WDR33: variants seen among roughly 807,000 people sequenced by gnomAD.
The protein encoded by WDR33 is pre-mRNA 3' end processing protein WDR33.
A neutral mutation model predicts 164.9 loss-of-function variants in WDR33; 47 were observed. That is an observed-to-expected ratio of 0.29 (90% CI 0.23 to 0.36). WDR33 has a LOEUF of 0.36. WDR33 is among the 10% of genes least tolerant of loss of function. The pLI, the probability that WDR33 is intolerant of heterozygous loss-of-function variation, is 1.00. For synonymous variants in WDR33, 505 were observed against 589.0 expected (o/e 0.86, Z 2.06); for missense variants, 1,137 against 1,754.1 (o/e 0.65, Z 6.28).
intron 7 of WDR33, among the ~76,000 whole-genome samples, chr2:127,756,486 C>T (rs947306546): frequency 1.3e-5 from 2 of 151,768 alleles, no homozygotes; most frequent in African/African-American, 2.4e-5. Flanking sequence ...ATCTACTCAC[C>T]GAAAATGAAA....
At chr2:127,711,780 A>ATATATATATATATTTTTT in intron 18 of WDR33, among the ~76,000 whole-genome samples, 1 of 88,320 alleles carries the variant, frequency 1.1e-5, no homozygotes, top group African/African-American at 6.5e-5. Context: ...ATATATATAT[A>ATATATATATATATTTTTT]TTTTTTTTTT....
chr2:127,715,848 G>A (rs1686286478), intron 17 of WDR33, among the ~76,000 whole-genome samples: 1 of 152,174 alleles, frequency 6.6e-6, no homozygotes, highest in Non-Finnish European at 1.5e-5. Context: ...CGGCGGCGGC[G>A]GTTATTCCAG....
rs532164056 is a variant in WDR33, at chr2:127,738,779, G to A, written c.725-12002C>T. On this transcript the variant is annotated intron_variant, in intron 7 of 21. Coordinates refer to ENST00000322313, the MANE Select transcript of WDR33 (RefSeq NM_018383.5). The surrounding 1 kb of genome is among the most constrained non-coding windows in gnomAD (Gnocchi z 4.4). ...AACACACTAGCTGCAAGAAGAGAGT[G>A]GGGCTACTCAGGGCACACTGCCTAT... Among the ~76,000 whole-genome samples the A allele has an allele frequency of 3.3e-5, 5 of 152,282 alleles. No individual in the cohort carries two copies. In the South Asian group the frequency reaches 8.3e-4, roughly 25 times the overall value.
chr2:127,748,468 G>A (rs1346012880), intron 7 of WDR33, among the ~76,000 whole-genome samples: 1 of 152,170 alleles, frequency 6.6e-6, no homozygotes, highest in Admixed American at 6.5e-5. Flanking sequence ...TGATGCTGGT[G>A]TAAGATTTCT....
At position 127,713,342 on chromosome 2, in the gene WDR33, A is replaced by G. The variant is rs1477323232; in HGVS notation, c.3308+241T>C. On this transcript the variant is annotated intron_variant, in intron 18 of 21. Coordinates refer to ENST00000322313, the MANE Select transcript of WDR33 (RefSeq NM_018383.5). The surrounding 1 kb of genome is among the most constrained non-coding windows in gnomAD (Gnocchi z 6.2). ...CACTGATCCTCCCATCTCTTTAGAAAGGACCAAAATATAAAAAAATAAACA... is the reference window on the plus strand; with the variant it reads ...CACTGATCCTCCCATCTCTTTAGAAGGGACCAAAATATAAAAAAATAAACA... Among the ~76,000 whole-genome samples, 1 of 152,252 alleles carries G rather than the reference A, an allele frequency of 6.6e-6. No homozygotes were observed. The highest frequency in any genetic ancestry group is 1.5e-5 in the Non-Finnish European group (1 of 68,050).
rs978206756 is a variant in WDR33 at position 127,738,360 on chromosome 2, A to G, written c.725-11583T>C. On this transcript the variant is annotated intron_variant, in intron 7 of 21. Coordinates refer to ENST00000322313, the MANE Select transcript of WDR33 (RefSeq NM_018383.5). The surrounding 1 kb of genome is among the most constrained non-coding windows in gnomAD (Gnocchi z 4.4). ...CTGATATAAGCAAATAACTGAATAA[A>G]TAAGTGGAGAAGAGTGAAGTCTCCC... is the stretch of plus-strand genomic sequence containing the variant. Among the ~76,000 whole-genome samples the G allele has an allele frequency of 1.3e-5, 2 of 152,174 alleles. No homozygotes were observed. Among genetic ancestry groups the G allele is most frequent in the African/African-American group, 2.4e-5 (1 of 41,440 alleles).
chr2:127,809,026 T>C (rs1689539294), intron 1 of WDR33, among the ~76,000 whole-genome samples: 1 of 114,122 alleles, frequency 8.8e-6, no homozygotes, highest in African/African-American at 3.6e-5. Context: ...GCGAAACTCT[T>C]GTCTCAAAAA....
In WDR33 at chr2:127,764,911, G is replaced by A. The variant is rs772919450; in HGVS notation, c.543C>T (p.His181=). Residue 181 remains histidine, a synonymous_variant, in exon 6 of 22, where the codon CAC becomes CAT. Coordinates refer to ENST00000322313, the MANE Select transcript of WDR33 (RefSeq NM_018383.5). This position sits in a 1 kb window ranked among gnomAD's most constrained non-coding sequence, Gnocchi z 6.2. ...HNDMWMLTAD[H]GGYVKYWQSN... is the part of the protein sequence containing the mutation. ...ACTGCCAATATTTCACATATCCTCC[G>A]TGGTCTGCTGTCAACATCCACATGT... 3.8e-5 allele frequency: 62 copies of A among 1,613,992 alleles called. 1 individual carries two copies. Among genetic ancestry groups the A allele is most frequent in the Middle Eastern group, 3.3e-4 (2 of 6,084 alleles).
Position 127,763,452 on chromosome 2 carries a change from G to A in WDR33, c.627-293C>T, listed in dbSNP as rs549249424. On this transcript the variant is annotated intron_variant, in intron 6 of 21. Coordinates refer to ENST00000322313, the MANE Select transcript of WDR33 (RefSeq NM_018383.5). The surrounding 1 kb of genome is among the most constrained non-coding windows in gnomAD (Gnocchi z 4.5). The stretch of plus-strand genomic sequence containing the variant: ...CCTTCTCTATTTTCTATGATACGAG[G>A]AAATCACATGAAGCTGCCTTAAGTG... The A allele has an allele frequency of 8.4e-5, 95 of 1,128,982 alleles. No individual in the cohort carries two copies. In the South Asian group the frequency reaches 1.9e-3, roughly 22 times the overall value. The allele number at this position is 1,128,982 out of a possible 1,614,324, so 69.9% of individuals were successfully genotyped here. A position where few individuals can be genotyped will look rare whatever the true frequency, so the allele number is the denominator to read the frequency against.
Position 127,725,084 on chromosome 2 carries a change from C to T in WDR33, c.983G>A (p.Arg328Gln). ...RNLKEELQVF[R>Q]GHKKEATAVA... ...ACCTGTGGCTTCTTTCTTATGACCTCGGAAGACTTGAAGCTCTTCTTTTAG... is the reference window on the plus strand; with the variant it reads ...ACCTGTGGCTTCTTTCTTATGACCTTGGAAGACTTGAAGCTCTTCTTTTAG... Residue 328 changes from arginine to glutamine, a missense_variant, in exon 9 of 22, where the codon CGA (arginine) becomes CAA (glutamine). This residue lies in a region of WDR33 where 83 missense variants were observed against 189.2 expected (regional missense o/e 0.44). Transcript: ENST00000322313. 6.2e-7 allele frequency: 1 copy of T among 1,613,686 alleles called. No homozygotes were observed. Among genetic ancestry groups the T allele is most frequent in the Non-Finnish European group, 8.5e-7 (1 of 1,179,944 alleles).
intron 1 of WDR33, among the ~76,000 whole-genome samples, chr2:127,788,644 G>C (rs1239351304): frequency 6.8e-6 from 1 of 146,906 alleles, no homozygotes; most frequent in Admixed American, 6.6e-5. Flanking sequence ...CTGGCCGGGC[G>C]GGGGGCTGAC....
chr2:127,701,939 C>A lies in WDR33; in HGVS notation c.*4384G>T. 7.0e-7 allele frequency: 1 copy of A among 1,422,134 alleles called. No individual in the cohort carries two copies. Among genetic ancestry groups the A allele is most frequent in the Non-Finnish European group, 9.1e-7 (1 of 1,094,872 alleles). 88.1% of individuals were successfully genotyped at this position (1,422,134 alleles called of 1,614,324 possible). On this transcript the variant is annotated 3_prime_UTR_variant, in exon 22 of 22. Coordinates refer to ENST00000322313, the MANE Select transcript of WDR33 (RefSeq NM_018383.5). ...GCGCGGCGTGCGGACGCCTGCTGCG[C>A]TGCGAAGAAGCGCCGTCCCGGCCCG...
intron 1 of WDR33, among the ~76,000 whole-genome samples, chr2:127,797,855 C>T (rs1219478997): frequency 1.3e-5 from 2 of 151,770 alleles, no homozygotes; most frequent in Non-Finnish European, 2.9e-5. Flanking sequence ...CTACCAAAAA[C>T]ACAAAAACTT....
intron 18 of WDR33, among the ~76,000 whole-genome samples, chr2:127,711,768 A>ATTTTTTTTTTTTTTTTT (rs1441301170): frequency 7.1e-5 from 5 of 70,266 alleles, no homozygotes; most frequent in African/African-American, 1.1e-4. Context: ...ATATATATAT[A>ATTTTTTTTTTTTTTTTT]TATATATATA....
chr2:127,786,690 T>C (rs570435675), intron 1 of WDR33, among the ~76,000 whole-genome samples: 4 of 152,218 alleles, frequency 2.6e-5, no homozygotes, highest in Middle Eastern at 3.4e-3. Context: ...TCTCAAAATA[T>C]ATATATGTAT....
At chr2:127,756,772 T>G (rs1481962761) in intron 7 of WDR33, among the ~76,000 whole-genome samples, 1 of 152,126 alleles carries the variant, frequency 6.6e-6, no homozygotes, top group African/African-American at 2.4e-5. Flanking sequence ...TCATAGGGAT[T>G]TGTCACTGCT....
intron 5 of WDR33, 71 bp from the exon 6 acceptor site, chr2:127,765,050 C>A: frequency 6.4e-7 from 1 of 1,572,306 alleles, no homozygotes. Flanking sequence ...CTTACAAGAG[C>A]ATATAACTGA....
intron 7 of WDR33, among the ~76,000 whole-genome samples, chr2:127,732,104 A>G (rs1686722398): frequency 7.6e-6 from 1 of 131,982 alleles, no homozygotes; most frequent in African/African-American, 3.0e-5. Flanking sequence ...CAAACAACAT[A>G]TACAACACAC....
chr2:127,766,721 T>TA (rs369791713), intron 4 of WDR33, among the ~76,000 whole-genome samples: 11 of 148,748 alleles, frequency 7.4e-5, no homozygotes, highest in East Asian at 1.9e-4. Flanking sequence ...ATTCCCTGAT[T>TA]AAAAAAAAAA....
Sources: gnomAD v4.1 joint callset for allele counts (sites outside exome capture counted in the v4.1 genomes callset) on GRCh38, gnomAD v4.1.1 for gene constraint, gnomAD v4.1.1 regional missense constraint, Gnocchi (gnomAD v3.1) non-coding constraint, MANE v1.5 for transcripts, NCBI Gene and HGNC (gene_info 2026-07-23, HGNC 2026-07-21) for gene names.